CFAP92: variants seen among roughly 807,000 people sequenced by gnomAD.
CFAP92 encodes cilia and flagella associated protein 92 (putative).
In CFAP92, 86 loss-of-function variants were observed where a neutral mutation model predicts 106.3. The ratio of observed to expected loss-of-function variants is 0.81; its 90% CI spans 0.68 to 0.97. The LOEUF (loss-of-function observed/expected upper bound fraction) is 0.97. Ranked by LOEUF, CFAP92 falls within the 50% of genes least tolerant of loss-of-function variation. CFAP92 has a pLI of 0.00. For synonymous variants in CFAP92, 477 were observed against 506.4 expected, an observed-to-expected ratio of 0.94 and a Z score of 0.78; for missense variants, 1,204 against 1,283.8, an observed-to-expected ratio of 0.94 and a Z score of 0.95.
chr3:128,953,472 G>A (rs888904643), intron 9 of CFAP92, among the ~76,000 whole-genome samples: 67 of 152,062 alleles, frequency 4.4e-4, no homozygotes, highest in African/African-American at 1.3e-3. Context: ...CCAAGATCAC[G>A]CCACTGCACT....
chr3:128,970,327 A>G (rs1312929554), intron 8 of CFAP92: 1 of 152,098 alleles, frequency 6.6e-6, no homozygotes, highest in Non-Finnish European at 1.5e-5. Flanking sequence ...GAGGAGGATG[A>G]CGACTGGCAC....
At chr3:128,919,416 A>G (rs563572332) in intron 12 of CFAP92, among the ~76,000 whole-genome samples, 67 of 152,346 alleles carry the variant, frequency 4.4e-4, no homozygotes, top group African/African-American at 1.6e-3. Flanking sequence ...CAAGTTAAAA[A>G]TCTATCAAAA....
chr3:128,954,888 G>A (rs1399316964), intron 9 of CFAP92, among the ~76,000 whole-genome samples: 1 of 14,576 alleles, frequency 6.9e-5, no homozygotes, highest in Non-Finnish European at 1.0e-4. Flanking sequence ...CCCCCCGCCC[G>A]GCCAGCCGCC....
At chr3:128,944,789 TC>T (rs1685510275) in intron 10 of CFAP92, among the ~76,000 whole-genome samples, 1 of 152,128 alleles carries the variant, frequency 6.6e-6, no homozygotes, top group Non-Finnish European at 1.5e-5. Flanking sequence ...AATATTCTGC[TC>T]CTGTTTAGCC....
At chr3:128,955,473 T>G (rs865944097) in intron 9 of CFAP92, among the ~76,000 whole-genome samples, 2 of 54 alleles carry the variant, frequency 0.037, 1 homozygote, top group African/African-American at 0.2. Flanking sequence ...CCCCTCTGCC[T>G]GGCCAGCCGC....
intron 12 of CFAP92, among the ~76,000 whole-genome samples, chr3:128,921,106 G>T (rs1937242190): frequency 6.6e-6 from 1 of 152,064 alleles, no homozygotes; most frequent in Non-Finnish European, 1.5e-5. Context: ...TGGCCCCCTG[G>T]TCCCACTTTA....
chr3:128,987,974 A>G, intron 3 of CFAP92, 145 bp from the exon 4 acceptor site: 1 of 655,062 alleles, frequency 1.5e-6, no homozygotes, highest in Non-Finnish European at 2.6e-6. Context: ...CTCTGAGCTC[A>G]GGGAAAATGG....
At chr3:129,021,956 T>C in the CFAP92 span, among the ~76,000 whole-genome samples, 1 of 152,164 alleles carries the variant, frequency 6.6e-6, no homozygotes, top group African/African-American at 2.4e-5. Context: ...CACAGGGCCA[T>C]TGTAGAAAGA....
chr3:128,947,616 CA>C (rs1354002864), intron 9 of CFAP92, among the ~76,000 whole-genome samples: 2 of 152,160 alleles, frequency 1.3e-5, no homozygotes, highest in African/African-American at 2.4e-5. Context: ...CTATGTTTAT[CA>C]AAAGTGCAAA....
intron 4 of CFAP92, among the ~76,000 whole-genome samples, chr3:128,982,315 T>A (rs1447404862): frequency 2.0e-5 from 3 of 152,242 alleles, no homozygotes; most frequent in Non-Finnish European, 2.9e-5. Flanking sequence ...TTAAACCTCA[T>A]AAACCAATCT....
At chr3:129,015,187 C>T in the CFAP92 span, among the ~76,000 whole-genome samples, 3 of 152,188 alleles carry the variant, frequency 2.0e-5, no homozygotes, top group African/African-American at 7.2e-5. Context: ...CTCCTGCAGC[C>T]ACACTGACCC....
chr3:128,981,413 C>T (rs1943527547), intron 4 of CFAP92, among the ~76,000 whole-genome samples: 2 of 151,950 alleles, frequency 1.3e-5, no homozygotes, highest in East Asian at 1.9e-4. Flanking sequence ...TCACTGCAAC[C>T]TCCACCTCCC....
At chr3:129,020,179 TA>T in the CFAP92 span, among the ~76,000 whole-genome samples, 1 of 152,118 alleles carries the variant, frequency 6.6e-6, no homozygotes, top group Non-Finnish European at 1.5e-5. Context: ...TTTGAGGTTT[TA>T]GGGGGTAAAA....
chr3:129,001,662 A>G, intron 1 of CFAP92: 1 of 1,417,506 alleles, frequency 7.1e-7, no homozygotes. Context: ...GGAGGCCGGC[A>G]TGGAGGGCGC....
chr3:128,974,764 T>C (rs138817888), intron 7 of CFAP92, among the ~76,000 whole-genome samples: 5,611 of 151,740 alleles, frequency 0.037, 269 homozygotes, highest in African/African-American at 0.11. Flanking sequence ...GAGGTTGCAG[T>C]GAGCCAAGAT....
At chr3:129,007,593 C>T (rs114153952), upstream of CFAP92, among the ~76,000 whole-genome samples, 809 of 152,348 alleles carry the variant, frequency 5.3e-3, 6 homozygotes, top group African/African-American at 0.018. Flanking sequence ...CTGATCTTCT[C>T]ATCTTCCCTC....
At chr3:129,008,157 C>T in the CFAP92 span, among the ~76,000 whole-genome samples, 11 of 152,232 alleles carry the variant, frequency 7.2e-5, no homozygotes, top group Non-Finnish European at 1.0e-4. Context: ...AGTTTCCTAG[C>T]TGCACAGGTA....
chr3:128,991,672 T>C (rs1576651351), intron 2 of CFAP92: 1 of 668,772 alleles, frequency 1.5e-6, no homozygotes, highest in South Asian at 4.5e-5. Context: ...GCTGACGCCA[T>C]TTTAGGCCTC....
chr3:128,991,948 A>T lies in CFAP92; in HGVS notation c.262+1095T>A, dbSNP rs561558080. ...CCATGTGACTTGGTTTGGCCAATAA[A>T]ATGCTAGCAGGTGGGAGACACTCAA... is the stretch of plus-strand genomic sequence containing the variant. On this transcript the variant is annotated intron_variant, in intron 2 of 15. Transcript: ENST00000645291. 82 of 917,190 alleles carry T rather than the reference A, an allele frequency of 8.9e-5. No individual in the cohort carries two copies. In the African/African-American group the frequency reaches 1.4e-3, roughly 15 times the overall value. The allele number at this position is 917,190 out of a possible 1,614,324, so 56.8% of individuals were successfully genotyped here. A position where few individuals can be genotyped will look rare whatever the true frequency, so the allele number is the denominator to read the frequency against.
Sources: allele counts gnomAD v4.1 joint callset (sites outside exome capture counted in the v4.1 genomes callset), GRCh38; gene constraint gnomAD v4.1.1; transcripts MANE v1.5; gene names NCBI Gene and HGNC (gene_info 2026-07-23, HGNC 2026-07-21).